MOCOS: variants seen among roughly 807,000 people sequenced by gnomAD.
The protein encoded by MOCOS is human molybdenum cofactor sulfurase.
MOCOS carries 86 observed loss-of-function variants against 83.6 expected under a neutral mutation model. That is an observed-to-expected ratio of 1.03 (90% CI 0.86 to 1.23). The LOEUF (loss-of-function observed/expected upper bound fraction) is 1.23, where lower values mean the gene tolerates loss of function less well. MOCOS is among the 50% of genes most tolerant of loss of function. The probability of loss-of-function intolerance (pLI) is 0.00; values close to 1 mark genes in which losing one functional copy is unlikely to be tolerated. For missense variants in MOCOS, 1,120 were observed against 1,126.9 expected (o/e 0.99, Z 0.09); for synonymous variants, 445 against 434.7 (o/e 1.02, Z -0.29).
At chr18:36,251,104 A>G (rs2091619995) in intron 10 of MOCOS, 55 bp from the exon 11 acceptor site, 2 of 1,569,172 alleles carry the variant, frequency 1.3e-6, no homozygotes, top group Non-Finnish European at 1.7e-6. Context: ...AATTCAGATT[A>G]TTATTTAAAT....
intron 7 of MOCOS, among the ~76,000 whole-genome samples, chr18:36,214,403 C>A (rs1455400671): frequency 6.6e-6 from 1 of 152,064 alleles, no homozygotes; most frequent in African/African-American, 2.4e-5. Context: ...TTACCTGGTT[C>A]AGCCCTCCTG....
chr18:36,239,329 G>A (rs1287726306), intron 9 of MOCOS, among the ~76,000 whole-genome samples: 7 of 149,444 alleles, frequency 4.7e-5, no homozygotes, highest in Admixed American at 4.0e-4. Context: ...GGGCAGGCCT[G>A]GTGGTGACAA....
intron 13 of MOCOS, among the ~76,000 whole-genome samples, chr18:36,261,090 T>A (rs913893445): frequency 3.9e-5 from 6 of 152,076 alleles, no homozygotes; most frequent in Non-Finnish European, 8.8e-5. Context: ...CAGTGCTCAA[T>A]AAGTAATTGT....
intron 1 of MOCOS, among the ~76,000 whole-genome samples, chr18:36,194,671 G>A (rs1186302716): frequency 1.3e-5 from 2 of 152,216 alleles, no homozygotes; most frequent in Non-Finnish European, 2.9e-5. Context: ...CCGTGTACCA[G>A]TGAGCTTGTT....
At chr18:36,226,329 T>C (rs2091515182) in intron 9 of MOCOS, among the ~76,000 whole-genome samples, 1 of 152,182 alleles carries the variant, frequency 6.6e-6, no homozygotes, top group Non-Finnish European at 1.5e-5. Flanking sequence ...TGGACATAAT[T>C]ATAGCCACTC....
intron 13 of MOCOS, among the ~76,000 whole-genome samples, chr18:36,261,726 A>G (rs996317983): frequency 6.6e-6 from 1 of 152,052 alleles, no homozygotes; most frequent in Admixed American, 6.6e-5. Context: ...CTCTCCCACA[A>G]GCCCATCTCA....
Position 36,248,989 on chromosome 18 carries a change from C to T in MOCOS, c.2028C>T (p.Val676=). The change falls in exon 10 of 15, where the codon GTC becomes GTT. Residue 676 remains valine, a synonymous_variant. Transcript: ENST00000261326. ...GGACTCAGATTCGCCAAAGCAGGGT[C>T]TGTGCTGACAGGTGAGACTCTGAAG... ...SERTQIRQSR[V]CADRVSTYDC... 6.2e-7 allele frequency: 1 copy of T among 1,614,128 alleles called. No homozygotes were observed. The highest frequency in any genetic ancestry group is 8.5e-7 in the Non-Finnish European group (1 of 1,179,978).
chr18:36,259,555 A>C (rs766167631), intron 12 of MOCOS, among the ~76,000 whole-genome samples: 1,005 of 32,302 alleles, frequency 0.031, 7 homozygotes, highest in East Asian at 0.11. Context: ...TTAATACCCA[A>C]AAAAAAAAAA....
intron 13 of MOCOS, among the ~76,000 whole-genome samples, 174 bp downstream of exon 13, chr18:36,260,349 T>C (rs143575416): frequency 6.6e-6 from 1 of 152,290 alleles, no homozygotes; most frequent in African/African-American, 2.4e-5. Flanking sequence ...CATGGAATAA[T>C]CCATCCTTTA....
At chr18:36,217,245 G>A (rs556366703) in intron 8 of MOCOS, among the ~76,000 whole-genome samples, 3 of 152,084 alleles carry the variant, frequency 2.0e-5, no homozygotes, top group African/African-American at 7.2e-5. Context: ...GGGATGATGA[G>A]ACATTATTTT....
At chr18:36,262,884 G>A (rs2091668902) in intron 13 of MOCOS, among the ~76,000 whole-genome samples, 1 of 152,226 alleles carries the variant, frequency 6.6e-6, no homozygotes, top group Admixed American at 6.5e-5. Flanking sequence ...CAAGGAAGGA[G>A]GATCACTTGA....
chr18:36,233,895 T>C (rs373359160), intron 9 of MOCOS, among the ~76,000 whole-genome samples: 2 of 114,598 alleles, frequency 1.7e-5, no homozygotes, highest in African/African-American at 6.8e-5. Flanking sequence ...TGGTTTTTGT[T>C]GCTGATTTGT....
chr18:36,241,696 G>A (rs1366065430), intron 9 of MOCOS, among the ~76,000 whole-genome samples: 1 of 152,220 alleles, frequency 6.6e-6, no homozygotes, highest in Non-Finnish European at 1.5e-5. Context: ...TTCTGCATGA[G>A]GGATCCACCC....
chr18:36,263,204 T>G (rs1235567252), intron 13 of MOCOS, among the ~76,000 whole-genome samples: 1 of 152,180 alleles, frequency 6.6e-6, no homozygotes, highest in Non-Finnish European at 1.5e-5. Flanking sequence ...GGAAAACAAT[T>G]TTTTACTGGA....
chr18:36,201,007 T>G (rs777510009), intron 4 of MOCOS, among the ~76,000 whole-genome samples: 7 of 152,186 alleles, frequency 4.6e-5, no homozygotes, highest in Non-Finnish European at 1.0e-4. Flanking sequence ...TGGGTTATGC[T>G]CAGGACTCTT....
intron 9 of MOCOS, among the ~76,000 whole-genome samples, chr18:36,232,859 C>CACAT (rs1424321161): frequency 1.5e-5 from 1 of 65,850 alleles, no homozygotes; most frequent in African/African-American, 3.7e-5. Context: ...TTCCATTACA[C>CACAT]ACACACACAC....
At chr18:36,206,178 G>T (rs2091434063) in intron 6 of MOCOS, among the ~76,000 whole-genome samples, 1 of 151,998 alleles carries the variant, frequency 6.6e-6, no homozygotes, top group East Asian at 1.9e-4. Flanking sequence ...TGCAGCCAGA[G>T]AGGAAGCAAG....
At chr18:36,190,783 CTT>C (rs1024350252) in intron 1 of MOCOS, among the ~76,000 whole-genome samples, 1 of 151,764 alleles carries the variant, frequency 6.6e-6, no homozygotes, top group Admixed American at 6.6e-5. Flanking sequence ...AACAAAAAAA[CTT>C]TCTTTGGCCA....
chr18:36,221,453 A>C (rs1047446042), intron 9 of MOCOS, among the ~76,000 whole-genome samples: 6 of 152,222 alleles, frequency 3.9e-5, no homozygotes, highest in African/African-American at 1.4e-4. Context: ...GGTTAAAAAA[A>C]GGTAAAAGAC....
Sources: allele counts gnomAD v4.1 joint callset (sites outside exome capture counted in the v4.1 genomes callset), GRCh38; gene constraint gnomAD v4.1.1; transcripts MANE v1.5; gene names NCBI Gene and HGNC (gene_info 2026-07-23, HGNC 2026-07-21).